HIP1R: variants seen among roughly 807,000 people sequenced by gnomAD.
The protein encoded by HIP1R is huntingtin interacting protein 1 related, also known as huntingtin-interacting protein 1-related protein.
A neutral mutation model predicts 144.2 loss-of-function variants in HIP1R; 135 were observed. The ratio of observed to expected loss-of-function variants is 0.94; its 90% CI spans 0.81 to 1.08. The LOEUF is 1.08. Among genes scored for constraint, HIP1R ranks in the 50% least tolerant of loss-of-function variants. The probability of loss-of-function intolerance (pLI) is 0.00; values close to 1 mark genes in which losing one functional copy is unlikely to be tolerated. For synonymous variants in HIP1R, 698 were observed against 612.8 expected, an observed-to-expected ratio of 1.14 and a Z score of -2.05; for missense variants, 1,462 against 1,432.8, an observed-to-expected ratio of 1.02 and a Z score of -0.33.
At chr12:122,855,184 G>C in intron 10 of HIP1R, 56 bp downstream of exon 10, 2 of 1,611,322 alleles carry the variant, frequency 1.2e-6, no homozygotes, top group Non-Finnish European at 8.5e-7. Flanking sequence ...ACCTGGCTGG[G>C]CCCCACACAG....
chr12:122,853,154 A>G lies in HIP1R; in HGVS notation c.578-889A>G, dbSNP rs533954343. ...GCCCCAGAGAAGCTGCCAGCCAAGGAGGAGGCAGCCTCATGTTTGTCCTTT... is the reference window on the plus strand; with the variant it reads ...GCCCCAGAGAAGCTGCCAGCCAAGGGGGAGGCAGCCTCATGTTTGTCCTTT... On this transcript the variant is annotated intron_variant, in intron 7 of 31. Transcript: ENST00000253083. 7.2e-5 allele frequency among the ~76,000 whole-genome samples: 11 copies of G among 152,212 alleles called. No homozygotes were observed. The East Asian group carries it at 2.1e-3, about 29-fold the overall frequency.
intron 4 of HIP1R, among the ~76,000 whole-genome samples, chr12:122,849,299 G>A (rs896046567): frequency 3.3e-5 from 5 of 152,268 alleles, no homozygotes; most frequent in African/African-American, 1.2e-4. Context: ...AGTTAGAGAT[G>A]TCCCTGGTGG....
intron 1 of HIP1R, among the ~76,000 whole-genome samples, chr12:122,841,686 G>A (rs879553391): frequency 5.3e-5 from 8 of 152,162 alleles, no homozygotes; most frequent in African/African-American, 1.7e-4. Context: ...TGGGACAGAC[G>A]GGTTTGTGGA....
chr12:122,854,883 T>C (rs1220762243), intron 8 of HIP1R, 22 bp from the exon 9 acceptor site: 1 of 1,611,428 alleles, frequency 6.2e-7, no homozygotes, highest in Non-Finnish European at 8.5e-7. Context: ...AGAAGTCCTG[T>C]TACACTTGTG....
Position 122,858,231 on chromosome 12 carries a change from C to A in HIP1R, c.1945C>A (p.Arg649Ser). 6.3e-7 allele frequency: 1 copy of A among 1,598,972 alleles called. No homozygotes were observed. The highest frequency in any genetic ancestry group is 8.5e-7 in the Non-Finnish European group (1 of 1,170,524). ...CAAGCTGGACGACCCCCTGCACCTG[C>A]GCTGTACCAGCTCCCCAGGTAGACA... ...VSKLDDPLHL[R>S]CTSSPDYLVS... The change falls in exon 19 of 32, where the codon CGC becomes AGC. Residue 649 changes from arginine to serine, a missense_variant. Physicochemically the swap from Arg to Ser is moderately radical, Grantham distance 110 (BLOSUM62 -1). This residue lies in a region of HIP1R where 1,112 missense variants were observed against 1,011.7 expected (regional missense o/e 1.10). Transcript: ENST00000253083.
At position 122,853,167 on chromosome 12, in the gene HIP1R, A is replaced by G. The variant is rs149065617; in HGVS notation, c.578-876A>G. ...TGCCAGCCAAGGAGGAGGCAGCCTCATGTTTGTCCTTTGTCCCTCCCACTT... is the reference window on the plus strand; with the variant it reads ...TGCCAGCCAAGGAGGAGGCAGCCTCGTGTTTGTCCTTTGTCCCTCCCACTT... On this transcript the variant is annotated intron_variant, in intron 7 of 31. Transcript: ENST00000253083. 4.2e-4 allele frequency among the ~76,000 whole-genome samples: 64 copies of G among 152,184 alleles called. No homozygotes were observed. In the East Asian group the frequency reaches 9.9e-3, roughly 23 times the overall value.
At chr12:122,837,736 C>T (rs1458783791) in intron 1 of HIP1R, among the ~76,000 whole-genome samples, 9 of 152,188 alleles carry the variant, frequency 5.9e-5, no homozygotes, top group Admixed American at 5.9e-4. Context: ...GCCCCATTTT[C>T]TGGAAAGTTG....
chr12:122,845,786 C>T (rs1390555056), intron 1 of HIP1R, among the ~76,000 whole-genome samples: 2 of 152,090 alleles, frequency 1.3e-5, no homozygotes, highest in African/African-American at 4.8e-5. Flanking sequence ...GTGCCGGGTG[C>T]GGGGAGCTGG....
intron 4 of HIP1R, 145 bp downstream of exon 4, chr12:122,848,997 G>A: frequency 1.3e-6 from 1 of 793,306 alleles, no homozygotes; most frequent in Non-Finnish European, 2.1e-6. Flanking sequence ...AGCACGGGGA[G>A]ATGCTGCCTG....
rs371198552 is a variant in HIP1R at position 122,858,918 on chromosome 12, C to T, written c.2131C>T (p.His711Tyr). The T allele has an allele frequency of 1.2e-6, 2 of 1,613,096 alleles. No homozygotes were observed. The highest frequency in any genetic ancestry group is 1.7e-6 in the Non-Finnish European group (2 of 1,179,966). Reference protein sequence around the residue: ...DTIINGGATSHLAPTDPADRL... With the variant: ...DTIINGGATSYLAPTDPADRL... The stretch of plus-strand genomic sequence containing the variant: ...CATCATCAATGGCGGTGCCACCTCG[C>T]ACCTGGCTCCCACCGACCCTGCCGA... Residue 711 changes from histidine to tyrosine, a missense_variant, in exon 21 of 32, where the codon CAC (histidine) becomes TAC (tyrosine). His to Tyr is a moderately conservative substitution (Grantham distance 83, BLOSUM62 2). This residue lies in a region of HIP1R where 1,112 missense variants were observed against 1,011.7 expected (regional missense o/e 1.10). Transcript: ENST00000253083.
chr12:122,835,107 C>T, upstream of HIP1R: 10 of 940,428 alleles, frequency 1.1e-5, no homozygotes, highest in Non-Finnish European at 1.3e-5. Flanking sequence ...CCTACCCTCC[C>T]CTCCGGGTTT....
In HIP1R at chr12:122,848,608, T is replaced by G. The variant is rs1413738398; in HGVS notation, c.300T>G (p.Asn100Lys). Residue 100 changes from asparagine to lysine, a missense_variant and splice_region_variant, in exon 3 of 32, where the codon AAT becomes AAG. Physicochemically the swap from Asn to Lys is moderately conservative, Grantham distance 94. Around this residue, in one of 2 missense-constraint regions of HIP1R, gnomAD observed 350 missense variants for 421.1 expected, o/e 0.83. Transcript: ENST00000253083. ...AGGTCCTTCGAGACGGGCACCCCAA[T>G]GTGAGTAGCAGCTGCTGCCTCTGCT... ...LHKVLRDGHP[N>K]VLHDCQRYRS... The G allele has an allele frequency of 6.2e-7, 1 of 1,610,244 alleles. No individual in the cohort carries two copies. Among genetic ancestry groups the G allele is most frequent in the Non-Finnish European group, 8.5e-7 (1 of 1,178,090 alleles).
intron 1 of HIP1R, among the ~76,000 whole-genome samples, chr12:122,838,007 CAGCACTGTGTGCTGTGGCAGG>C (rs143105890): frequency 0.066 from 10,106 of 152,218 alleles, 485 homozygotes; most frequent in East Asian, 0.23. Context: ...GCATTGACCA[CAGCACTGTGTGCTGTGGCAGG>C]AGCACTAGGC....
chr12:122,858,587 C>A (rs1566113918), intron 20 of HIP1R, 152 bp downstream of exon 20: 4 of 703,222 alleles, frequency 5.7e-6, no homozygotes, highest in Non-Finnish European at 9.4e-6. Context: ...CAGGAACCCA[C>A]CCCTGCCCTG....
At chr12:122,843,621 C>A (rs1202984717) in intron 1 of HIP1R, among the ~76,000 whole-genome samples, 1 of 152,120 alleles carries the variant, frequency 6.6e-6, no homozygotes, top group Non-Finnish European at 1.5e-5. Flanking sequence ...AAGGTCAGGC[C>A]CCTCCTGCTG....
chr12:122,846,935 G>A (rs1291440799), intron 1 of HIP1R, among the ~76,000 whole-genome samples: 1 of 152,254 alleles, frequency 6.6e-6, no homozygotes, highest in Admixed American at 6.5e-5. Flanking sequence ...TGGTGTCTGG[G>A]GAGAAGGCGC....
Position 122,859,089 on chromosome 12 carries a change from G to C in HIP1R, c.2187G>C (p.Gly729=). Residue 729 remains glycine (G), a synonymous_variant, in exon 22 of 32, where the codon GGG becomes GGC. Coordinates refer to ENST00000253083, the MANE Select transcript of HIP1R (RefSeq NM_003959.3). ...DRLIDTCREC[G]ARALELMGQL... is the part of the protein sequence containing the mutation. The stretch of plus-strand genomic sequence containing the variant: ...TCATAGACACCTGCAGGGAGTGCGG[G>C]GCCCGGGCTCTGGAGCTCATGGGGC... 1 of 1,604,316 alleles carries C rather than the reference G, an allele frequency of 6.2e-7. No homozygotes were observed. The highest frequency in any genetic ancestry group is 8.5e-7 in the Non-Finnish European group (1 of 1,176,148).
chr12:122,841,848 G>A (rs1029677119), intron 1 of HIP1R, among the ~76,000 whole-genome samples: 11 of 152,188 alleles, frequency 7.2e-5, no homozygotes, highest in African/African-American at 2.7e-4. Flanking sequence ...TGGGTCAGGC[G>A]GCAACATTGT....
rs766752234 is a variant in HIP1R at position 122,858,949 on chromosome 12, A to T, written c.2158+4A>T. 1.1e-5 allele frequency: 17 copies of T among 1,612,472 alleles called. No homozygotes were observed. The highest frequency in any genetic ancestry group is 3.3e-5 in the Admixed American group (2 of 60,004). ...GCTCCCACCGACCCTGCCGACCGTAAGTGGGTCCTGGGATGGCAGGTTCTG... is the reference window on the plus strand; with the variant it reads ...GCTCCCACCGACCCTGCCGACCGTATGTGGGTCCTGGGATGGCAGGTTCTG... On this transcript the variant is annotated splice_donor_region_variant and intron_variant, in intron 21 of 31. Coordinates refer to ENST00000253083, the MANE Select transcript of HIP1R (RefSeq NM_003959.3).
Sources: gnomAD v4.1 joint callset for allele counts (sites outside exome capture counted in the v4.1 genomes callset) on GRCh38, gnomAD v4.1.1 for gene constraint, gnomAD v4.1.1 regional missense constraint, MANE v1.5 for transcripts, NCBI Gene and HGNC (gene_info 2026-07-23, HGNC 2026-07-21) for gene names.